Variants in SLC9A9 observed in about 807,000 individuals in gnomAD.
SLC9A9 encodes the protein sodium/hydrogen exchanger 9.
In SLC9A9, 62 loss-of-function variants were observed where a neutral mutation model predicts 77.8. The ratio of observed to expected loss-of-function variants is 0.80; its 90% CI spans 0.65 to 0.98. The LOEUF is 0.98. SLC9A9 is among the 50% of genes least tolerant of loss of function. The pLI is 0.00. For synonymous variants in SLC9A9, 320 were observed against 283.5 expected (o/e 1.13, Z -1.29); for missense variants, 775 against 774.9 (o/e 1.00, Z 0.00).
At chr3:143,361,613 T>C (rs1041937077) in intron 14 of SLC9A9, among the ~76,000 whole-genome samples, 1 of 152,214 alleles carries the variant, frequency 6.6e-6, no homozygotes, top group Non-Finnish European at 1.5e-5. Context: ...CAATATATAT[T>C]TGTGTAGTGA....
intron 6 of SLC9A9, among the ~76,000 whole-genome samples, chr3:143,611,682 G>A (rs752547263): frequency 5.3e-5 from 8 of 152,068 alleles, no homozygotes; most frequent in Non-Finnish European, 1.2e-4. Context: ...TGGATGGAAG[G>A]TCAAGAAATC....
rs1170004074 is a variant in SLC9A9, at chr3:143,472,917, T to C, written c.1316-5727A>G. Among the ~76,000 whole-genome samples, 3 of 152,226 alleles carry C rather than the reference T, an allele frequency of 2.0e-5. No individual in the cohort carries two copies. In the East Asian group the frequency reaches 5.8e-4, roughly 29 times the overall value. ...GAGTTCTGGTATCTGCCCTCAGGCC[T>C]GCCCCACAGGCTGCATGACCATAAG... On this transcript the variant is annotated intron_variant, in intron 11 of 15. Transcript: ENST00000316549.
chr3:143,414,437 A>G (rs1429975889), intron 12 of SLC9A9, among the ~76,000 whole-genome samples: 1 of 152,220 alleles, frequency 6.6e-6, no homozygotes, highest in African/African-American at 2.4e-5. Context: ...CTGTATGTTG[A>G]GCAAATCTAC....
intron 12 of SLC9A9, among the ~76,000 whole-genome samples, chr3:143,387,513 C>T (rs1366506325): frequency 2.6e-5 from 4 of 152,028 alleles, no homozygotes; most frequent in African/African-American, 9.7e-5. Flanking sequence ...GTTTTGCATT[C>T]CTGATGTACC....
chr3:143,547,609 C>T (rs572742800), intron 9 of SLC9A9, among the ~76,000 whole-genome samples: 1 of 152,360 alleles, frequency 6.6e-6, no homozygotes, highest in South Asian at 2.1e-4. Flanking sequence ...CTCCCTTGTT[C>T]ACTCCATACC....
intron 14 of SLC9A9, among the ~76,000 whole-genome samples, chr3:143,273,868 C>T (rs1408485682): frequency 6.6e-6 from 1 of 152,182 alleles, no homozygotes; most frequent in African/African-American, 2.4e-5. Context: ...TGGAGTATTG[C>T]CCTCCCATAT....
intron 3 of SLC9A9, among the ~76,000 whole-genome samples, chr3:143,796,213 G>T (rs1447145681): frequency 1.3e-5 from 2 of 152,164 alleles, no homozygotes; most frequent in Non-Finnish European, 2.9e-5. Context: ...TTAGACAAGT[G>T]CATAGAAACT....
chr3:143,407,322 G>A (rs939803931), intron 12 of SLC9A9, among the ~76,000 whole-genome samples: 1 of 152,146 alleles, frequency 6.6e-6, no homozygotes, highest in Non-Finnish European at 1.5e-5. Flanking sequence ...ACTCTATACT[G>A]TAAGGATGAT....
At chr3:143,383,369 G>A (rs527804888) in intron 12 of SLC9A9, among the ~76,000 whole-genome samples, 14 of 152,264 alleles carry the variant, frequency 9.2e-5, no homozygotes, top group East Asian at 7.7e-4. Flanking sequence ...CAAATGTATC[G>A]CATTCAATCT....
chr3:143,806,586 A>G (rs1253986148), intron 2 of SLC9A9, among the ~76,000 whole-genome samples: 1 of 152,172 alleles, frequency 6.6e-6, no homozygotes, highest in Admixed American at 6.5e-5. Flanking sequence ...ACAGGTAAGG[A>G]TTTTTTAATT....
intron 9 of SLC9A9, among the ~76,000 whole-genome samples, chr3:143,545,054 C>A (rs1033380481): frequency 3.3e-5 from 5 of 152,150 alleles, no homozygotes; most frequent in Non-Finnish European, 5.9e-5. Context: ...TGGTACAATA[C>A]TGTTTCGGTT....
At chr3:143,503,472 A>G in intron 9 of SLC9A9, 1 of 372,428 alleles carries the variant, frequency 2.7e-6, no homozygotes, top group South Asian at 2.1e-5. Flanking sequence ...CCTTGAGGGG[A>G]CCCTCCAAAG....
intron 12 of SLC9A9, among the ~76,000 whole-genome samples, chr3:143,417,524 T>A (rs1419357627): frequency 8.2e-6 from 1 of 121,824 alleles, no homozygotes; most frequent in Admixed American, 8.4e-5. Context: ...AAGGGATGGA[T>A]GGAGGGAAAA....
chr3:143,462,034 T>G (rs1366110518), intron 12 of SLC9A9, among the ~76,000 whole-genome samples: 1 of 152,206 alleles, frequency 6.6e-6, no homozygotes, highest in African/African-American at 2.4e-5. Context: ...GGATGGCTTT[T>G]GGTCATAAAC....
chr3:143,396,913 T>G (rs985233198), intron 12 of SLC9A9, among the ~76,000 whole-genome samples: 4 of 152,160 alleles, frequency 2.6e-5, no homozygotes, highest in Non-Finnish European at 5.9e-5. Context: ...ATCTGACAAT[T>G]TAGATATACA....
At chr3:143,464,240 G>C (rs73867654) in intron 12 of SLC9A9, among the ~76,000 whole-genome samples, 40 of 152,296 alleles carry the variant, frequency 2.6e-4, no homozygotes, top group African/African-American at 8.7e-4. Flanking sequence ...TGACAAGAAA[G>C]TTGGTTAACG....
intron 4 of SLC9A9, among the ~76,000 whole-genome samples, chr3:143,735,048 T>C (rs1934904050): frequency 6.6e-6 from 1 of 152,192 alleles, no homozygotes; most frequent in African/African-American, 2.4e-5. Flanking sequence ...ATACTCAGAT[T>C]CGAACACTTG....
chr3:143,796,381 A>C (rs2008385447), intron 3 of SLC9A9, among the ~76,000 whole-genome samples: 1 of 152,246 alleles, frequency 6.6e-6, no homozygotes, highest in Admixed American at 6.5e-5. Context: ...ATATTTAAAA[A>C]ATTTTAAATT....
At chr3:143,404,341 T>C (rs2033929938) in intron 12 of SLC9A9, among the ~76,000 whole-genome samples, 1 of 151,988 alleles carries the variant, frequency 6.6e-6, no homozygotes, top group South Asian at 2.1e-4. Context: ...ACCTAATTTT[T>C]TTGTATTTTT....
Sources: gnomAD v4.1 joint callset for allele counts (sites outside exome capture counted in the v4.1 genomes callset) on GRCh38, gnomAD v4.1.1 for gene constraint, MANE v1.5 for transcripts, NCBI Gene and HGNC (gene_info 2026-07-23, HGNC 2026-07-21) for gene names.